The following COX7B2 variants were observed in gnomAD, a reference collection of about 807,000 sequenced individuals.
COX7B2 encodes cytochrome c oxidase subunit 7B2, also known as cytochrome c oxidase subunit 7B2, mitochondrial.
For synonymous variants in COX7B2, 37 were observed against 32.1 expected (o/e 1.15, Z -0.51); for missense variants, 109 against 95.9 (o/e 1.14, Z -0.57).
intron 1 of COX7B2, among the ~76,000 whole-genome samples, chr4:46,905,704 C>T (rs1028091277): frequency 2.0e-5 from 3 of 151,052 alleles, no homozygotes; most frequent in Non-Finnish European, 2.9e-5. Flanking sequence ...GTTTTTAAAA[C>T]TTTCATTTTC....
chr4:46,765,102 C>T (rs1048909139), intron 2 of COX7B2, among the ~76,000 whole-genome samples: 2 of 151,858 alleles, frequency 1.3e-5, no homozygotes, highest in Non-Finnish European at 2.9e-5. Flanking sequence ...AGAATGGAAG[C>T]TGCCAGCACT....
intron 2 of COX7B2, among the ~76,000 whole-genome samples, chr4:46,753,752 A>T (rs1715562098): frequency 6.6e-6 from 1 of 152,042 alleles, no homozygotes; most frequent in South Asian, 2.1e-4. Context: ...AGAGCAAAAG[A>T]AACTACCATC....
intron 2 of COX7B2, among the ~76,000 whole-genome samples, chr4:46,842,918 G>C (rs919849383): frequency 6.6e-6 from 1 of 152,062 alleles, no homozygotes; most frequent in African/African-American, 2.4e-5. Context: ...TATATACCCA[G>C]TAATGGGATG....
At chr4:46,896,957 G>A (rs959076784) in intron 1 of COX7B2, among the ~76,000 whole-genome samples, 2 of 152,180 alleles carry the variant, frequency 1.3e-5, no homozygotes, top group Admixed American at 1.3e-4. Flanking sequence ...GAAGAAGATA[G>A]GGAAAATAAA....
chr4:46,813,317 G>A (rs1223758358), intron 2 of COX7B2, among the ~76,000 whole-genome samples: 1 of 152,156 alleles, frequency 6.6e-6, no homozygotes, highest in Non-Finnish European at 1.5e-5. Context: ...AAACATGGGA[G>A]TGCAAATTAT....
intron 1 of COX7B2, among the ~76,000 whole-genome samples, chr4:46,907,518 C>T (rs17641147): frequency 0.075 from 11,412 of 152,114 alleles, 689 homozygotes; most frequent in South Asian, 0.23. Flanking sequence ...AATGGTTTCT[C>T]ATCCTCAATT....
chr4:46,797,472 G>A (rs1411168450), intron 2 of COX7B2, among the ~76,000 whole-genome samples: 5 of 152,296 alleles, frequency 3.3e-5, no homozygotes, highest in East Asian at 3.9e-4. Context: ...CAATTGGAAC[G>A]GATATGCTCA....
chr4:46,893,217 G>A (rs760321289), intron 1 of COX7B2, among the ~76,000 whole-genome samples: 3 of 152,122 alleles, frequency 2.0e-5, no homozygotes, highest in Non-Finnish European at 2.9e-5. Flanking sequence ...GATGGTGAGG[G>A]CATTGTGAAT....
At chr4:46,831,270 C>G (rs919322811) in intron 2 of COX7B2, among the ~76,000 whole-genome samples, 3 of 152,120 alleles carry the variant, frequency 2.0e-5, no homozygotes, top group African/African-American at 7.2e-5. Context: ...TTAGCTGCCT[C>G]CCCACACAGC....
chr4:46,901,212 C>T (rs1390185425), intron 1 of COX7B2, among the ~76,000 whole-genome samples: 2 of 152,176 alleles, frequency 1.3e-5, no homozygotes, highest in Admixed American at 1.3e-4. Context: ...ACCTGTCATA[C>T]ACTGCCTCAA....
At chr4:46,824,240 C>G (rs1330071237) in intron 2 of COX7B2, among the ~76,000 whole-genome samples, 1 of 152,036 alleles carries the variant, frequency 6.6e-6, no homozygotes, top group Non-Finnish European at 1.5e-5. Context: ...TACAGCTGTA[C>G]AAAGAAAAGT....
At chr4:46,842,207 C>T (rs1715975593) in intron 2 of COX7B2, among the ~76,000 whole-genome samples, 1 of 151,890 alleles carries the variant, frequency 6.6e-6, no homozygotes, top group African/African-American at 2.4e-5. Context: ...AGAATAAATG[C>T]CCAAAGCAAT....
At chr4:46,904,014 T>C (rs1474619392) in intron 1 of COX7B2, 1 of 152,036 alleles carries the variant, frequency 6.6e-6, no homozygotes, top group African/African-American at 2.4e-5. Flanking sequence ...AGAATAATCA[T>C]CTGCAAAAAA....
chr4:46,880,858 G>C (rs548228175), intron 1 of COX7B2, among the ~76,000 whole-genome samples: 2 of 134,876 alleles, frequency 1.5e-5, no homozygotes, highest in South Asian at 5.7e-4. Flanking sequence ...TTGGGGGAGG[G>C]GGGAGGGATA....
chr4:46,766,037 G>A (rs182242314), intron 2 of COX7B2, among the ~76,000 whole-genome samples: 1 of 152,208 alleles, frequency 6.6e-6, no homozygotes, highest in East Asian at 1.9e-4. Flanking sequence ...ACAGGCTCCA[G>A]GCATAAACCT....
chr4:46,800,332 C>T (rs901949481), intron 2 of COX7B2, among the ~76,000 whole-genome samples: 1 of 152,010 alleles, frequency 6.6e-6, no homozygotes, highest in African/African-American at 2.4e-5. Flanking sequence ...GCAAAAAGAA[C>T]AAAGCTGGAG....
intron 2 of COX7B2, among the ~76,000 whole-genome samples, chr4:46,794,077 G>A (rs1246532056): frequency 6.6e-6 from 1 of 152,162 alleles, no homozygotes; most frequent in Non-Finnish European, 1.5e-5. Flanking sequence ...CAAGGCTCAA[G>A]TATCAGCAAG....
intron 2 of COX7B2, among the ~76,000 whole-genome samples, chr4:46,813,445 T>A (rs1719387636): frequency 6.6e-6 from 1 of 152,102 alleles, no homozygotes; most frequent in Non-Finnish European, 1.5e-5. Flanking sequence ...ATCACTCAGA[T>A]TATATCAAAT....
intron 1 of COX7B2, among the ~76,000 whole-genome samples, chr4:46,871,180 A>G (rs968255264): frequency 1.3e-5 from 2 of 152,184 alleles, no homozygotes; most frequent in Admixed American, 1.3e-4. Flanking sequence ...GAGCCCAGAT[A>G]TAAGGTTGTG....
Sources: gnomAD v4.1 joint callset for allele counts (sites outside exome capture counted in the v4.1 genomes callset) on GRCh38, gnomAD v4.1.1 for gene constraint, MANE v1.5 for transcripts, NCBI Gene and HGNC (gene_info 2026-07-23, HGNC 2026-07-21) for gene names.